The following CYGB variants were observed in gnomAD, a reference collection of about 807,000 sequenced individuals.
The protein encoded by CYGB is histoglobin.
Under a neutral mutation model 20.7 loss-of-function variants are expected in CYGB, and 13 were observed. That is an observed-to-expected ratio of 0.63 (90% CI 0.41 to 1.00). The LOEUF (loss-of-function observed/expected upper bound fraction) is 1.00. Ranked by LOEUF, CYGB falls within the 50% of genes least tolerant of loss-of-function variation. CYGB has a pLI of 0.00. For missense variants in CYGB, 218 were observed against 257.2 expected (o/e 0.85, Z 1.04); for synonymous variants, 93 against 107.4 (o/e 0.87, Z 0.83).
Position 76,537,552 on chromosome 17 carries a change from CA to C in CYGB, c.-11del, listed in dbSNP as rs746226483. 6.9e-7 allele frequency: 1 copy of C among 1,439,380 alleles called. No individual in the cohort carries two copies. The highest frequency in any genetic ancestry group is 2.1e-5 in the Admixed American group (1 of 48,012). The allele number at this position is 1,439,380 out of a possible 1,614,324, so 89.2% of individuals were successfully genotyped here. A position where few individuals can be genotyped will look rare whatever the true frequency, so the allele number is the denominator to read the frequency against. On this transcript the variant is annotated 5_prime_UTR_variant, in exon 1 of 4. Coordinates refer to ENST00000293230, the MANE Select transcript of CYGB (RefSeq NM_134268.5). ...CTGGCACTTTCTCCATGAGCAGCTC[CA>C]AGCCCAGCCCGGCTTTGCTCGGCGG...
intron 1 of CYGB, among the ~76,000 whole-genome samples, chr17:76,536,456 G>A (rs1458658169): frequency 6.6e-6 from 1 of 152,188 alleles, no homozygotes; most frequent in African/African-American, 2.4e-5. Flanking sequence ...AGGGGCTTGA[G>A]GGTGAGCATG....
In CYGB at chr17:76,533,666, G is replaced by A. The variant is rs2074876407; in HGVS notation, c.144-1975C>T. Among the ~76,000 whole-genome samples the A allele has an allele frequency of 6.6e-6, 1 of 152,060 alleles. No individual in the cohort carries two copies. Among genetic ancestry groups the A allele is most frequent in the South Asian group, 2.1e-4 (1 of 4,832 alleles). On this transcript the variant is annotated intron_variant, in intron 1 of 3. Coordinates refer to ENST00000293230, the MANE Select transcript of CYGB (RefSeq NM_134268.5). This position sits in a 1 kb window ranked among gnomAD's most constrained non-coding sequence, Gnocchi z 4.5. ...TGAACCCGGGAGGCCAAGGCTGCAG[G>A]GAGCCAAGATTGTGCCATTGCACTC...
At chr17:76,549,217 G>A (rs4648342) in intron 1 of CYGB, among the ~76,000 whole-genome samples, 51,079 of 152,066 alleles carry the variant, frequency 0.34, 10,641 homozygotes, top group African/African-American at 0.59. Flanking sequence ...ACTTGTATCC[G>A]GAATACATAA....
upstream of CYGB, chr17:76,540,170 C>A (rs1201369416): frequency 6.2e-7 from 1 of 1,608,218 alleles, no homozygotes; most frequent in Non-Finnish European, 8.5e-7. This position sits in a 1 kb window ranked among gnomAD's most constrained non-coding sequence, Gnocchi z 5.0. Flanking sequence ...CTGCTCAGCA[C>A]CCTGGCCATG....
chr17:76,543,167 C>G (rs1259829255), intron 1 of CYGB: 1 of 461,404 alleles, frequency 2.2e-6, no homozygotes, highest in Non-Finnish European at 4.5e-6. Flanking sequence ...CTCCCCTTCC[C>G]CCAGGCCCTG....
intron 1 of CYGB, chr17:76,544,446 A>G (rs1445002728): frequency 2.2e-6 from 1 of 454,972 alleles, no homozygotes; most frequent in South Asian, 1.6e-5. Flanking sequence ...CCCGCTGGGG[A>G]GGGCCTGCTG....
chr17:76,538,613 G>A (rs1567910034), upstream of CYGB: 2 of 409,966 alleles, frequency 4.9e-6, no homozygotes, highest in East Asian at 9.8e-5. Flanking sequence ...AAGTCTTGAG[G>A]AAGGCGCAGG....
chr17:76,534,548 A>T (rs1194518648), intron 1 of CYGB, among the ~76,000 whole-genome samples: 1 of 152,232 alleles, frequency 6.6e-6, no homozygotes, highest in Non-Finnish European at 1.5e-5. Flanking sequence ...AACAACAGGG[A>T]ACATTTATTG....
chr17:76,540,526 G>T (rs1416273093), upstream of CYGB: 6 of 1,613,566 alleles, frequency 3.7e-6, no homozygotes, highest in African/African-American at 5.3e-5. This position sits in a 1 kb window ranked among gnomAD's most constrained non-coding sequence, Gnocchi z 5.0. Flanking sequence ...ACGTGGATGG[G>T]GCAGCTAGGG....
chr17:76,534,146 TTCTCTC>T (rs71158013), intron 1 of CYGB, among the ~76,000 whole-genome samples: 389 of 128,952 alleles, frequency 3.0e-3, no homozygotes, highest in Middle Eastern at 0.024. Flanking sequence ...CTCTTTCTCT[TTCTCTC>T]TCTCTCTCTC....
rs1025850996 is a variant in CYGB at position 76,528,770 on chromosome 17, C to T, written c.540-159G>A. 13 of 998,138 alleles carry T rather than the reference C, an allele frequency of 1.3e-5. No individual in the cohort carries two copies. Among genetic ancestry groups the T allele is most frequent in the Admixed American group, 4.3e-5 (1 of 23,376 alleles). 61.8% of individuals were successfully genotyped at this position (998,138 alleles called of 1,614,324 possible). On this transcript the variant is annotated intron_variant, in intron 3 of 3. Transcript: ENST00000293230. The surrounding 1 kb of genome is among the most constrained non-coding windows in gnomAD (Gnocchi z 5.8). ...ACCGTGAGACCCAAGTTCTAGTCTC[C>T]GTCCTGCTACGAACGTGCTGTGTGA...
rs1386395586 is a variant in CYGB at position 76,537,610 on chromosome 17, G to C, written c.-68C>G. 8 of 1,023,820 alleles carry C rather than the reference G, an allele frequency of 7.8e-6. No individual in the cohort carries two copies. The highest frequency in any genetic ancestry group is 1.6e-4 in the East Asian group (2 of 12,726). The allele number at this position is 1,023,820 out of a possible 1,614,324, so 63.4% of individuals were successfully genotyped here. ...TGGCGGGGCGCGGGGCGCGGGGCGC[G>C]GGGCGCCGGGAGCCGGGGCCGGCTG... On this transcript the variant is annotated 5_prime_UTR_variant, in exon 1 of 4. Coordinates refer to ENST00000293230, the MANE Select transcript of CYGB (RefSeq NM_134268.5).
upstream of CYGB, chr17:76,540,093 C>T (rs2074967957): frequency 1.9e-6 from 3 of 1,565,322 alleles, no homozygotes; most frequent in Admixed American, 1.9e-5. This position sits in a 1 kb window ranked among gnomAD's most constrained non-coding sequence, Gnocchi z 5.0. Context: ...GGCCCCTCGC[C>T]TGTGGCCTTC....
rs1168022809 is a variant in CYGB, at chr17:76,527,442, G to C, written c.*1136C>G. 1 of 371,944 alleles carries C rather than the reference G, an allele frequency of 2.7e-6. No homozygotes were observed. The highest frequency in any genetic ancestry group is 7.3e-5 in the East Asian group (1 of 13,726). The allele number at this position is 371,944 out of a possible 1,614,324, so 23.0% of individuals were successfully genotyped here. A position where few individuals can be genotyped will look rare whatever the true frequency, so the allele number is the denominator to read the frequency against. ...GAAAAGGAGGACGGGCGGTTGCACA[G>C]ATGAGGATGAGGATGAAGATGAGGA... is the stretch of plus-strand genomic sequence containing the variant. On this transcript the variant is annotated 3_prime_UTR_variant, in exon 4 of 4. Transcript: ENST00000293230.
At chr17:76,536,012 A>G (rs11656259) in intron 1 of CYGB, among the ~76,000 whole-genome samples, 148,943 of 152,290 alleles carry the variant, frequency 0.98, 72,922 homozygotes, top group Middle Eastern at 1. Context: ...AGTCTGGCAC[A>G]TCTGCGGCTC....
chr17:76,533,605 T>C lies in CYGB; in HGVS notation c.144-1914A>G, dbSNP rs943082981. On this transcript the variant is annotated intron_variant, in intron 1 of 3. Coordinates refer to ENST00000293230, the MANE Select transcript of CYGB (RefSeq NM_134268.5). The surrounding 1 kb of genome is among the most constrained non-coding windows in gnomAD (Gnocchi z 4.5). ...AGGTGTGGTGGCACACACCTTTGAT[T>C]CCAGCTACTCAGGGGCCTAAAGTGG... Among the ~76,000 whole-genome samples, 2 of 151,332 alleles carry C rather than the reference T, an allele frequency of 1.3e-5. No homozygotes were observed. Among genetic ancestry groups the C allele is most frequent in the Non-Finnish European group, 2.9e-5 (2 of 67,854 alleles).
chr17:76,528,899 A>G lies in CYGB; in HGVS notation c.540-288T>C. 5 of 1,199,226 alleles carry G rather than the reference A, an allele frequency of 4.2e-6. No individual in the cohort carries two copies. The highest frequency in any genetic ancestry group is 5.2e-6 in the Non-Finnish European group (5 of 967,762). 74.3% of individuals were successfully genotyped at this position (1,199,226 alleles called of 1,614,324 possible). A position where few individuals can be genotyped will look rare whatever the true frequency, so the allele number is the denominator to read the frequency against. On this transcript the variant is annotated intron_variant, in intron 3 of 3. Transcript: ENST00000293230. The surrounding 1 kb of genome is among the most constrained non-coding windows in gnomAD (Gnocchi z 5.8). ...AACTGGGTAAAAAAGTGTTTCACAA[A>G]CTGCAAAGCACGATACCAATGTGAG...
At position 76,528,830 on chromosome 17, in the gene CYGB, G is replaced by T; in HGVS notation, c.540-219C>A. On this transcript the variant is annotated intron_variant, in intron 3 of 3. Transcript: ENST00000293230. This position sits in a 1 kb window ranked among gnomAD's most constrained non-coding sequence, Gnocchi z 5.8. ...AGTCTACTGGCCCATGGGAGCTCCG[G>T]ATCTTTTTCTCTAAAATGTGAATAA... 8.4e-7 allele frequency: 1 copy of T among 1,191,386 alleles called. No homozygotes were observed. 73.8% of individuals were successfully genotyped at this position (1,191,386 alleles called of 1,614,324 possible).
chr17:76,530,038 C>A lies in CYGB; in HGVS notation c.539+941G>T. ...GAGCTGTGCCTGTGAACAGAAGGGCCGGCAGTCTTGGGGGCCCGTGCAGAG... is the reference window on the plus strand; with the variant it reads ...GAGCTGTGCCTGTGAACAGAAGGGCAGGCAGTCTTGGGGGCCCGTGCAGAG... On this transcript the variant is annotated intron_variant, in intron 3 of 3. Transcript: ENST00000293230. This position sits in a 1 kb window ranked among gnomAD's most constrained non-coding sequence, Gnocchi z 6.1. The A allele has an allele frequency of 1.0e-6, 1 of 985,368 alleles. No homozygotes were observed. The highest frequency in any genetic ancestry group is 1.2e-6 in the Non-Finnish European group (1 of 829,904). The allele number at this position is 985,368 out of a possible 1,614,324, so 61.0% of individuals were successfully genotyped here. A position where few individuals can be genotyped will look rare whatever the true frequency, so the allele number is the denominator to read the frequency against.
Sources: allele counts gnomAD v4.1 joint callset (sites outside exome capture counted in the v4.1 genomes callset), GRCh38; gene constraint gnomAD v4.1.1; non-coding constraint Gnocchi (gnomAD v3.1); transcripts MANE v1.5; gene names NCBI Gene and HGNC (gene_info 2026-07-23, HGNC 2026-07-21).